The following IDO2 variants were observed in gnomAD, a reference collection of about 807,000 sequenced individuals.
IDO2 encodes indoleamine 2,3-dioxygenase 2.
In IDO2, 46 loss-of-function variants were observed where a neutral mutation model predicts 45.1. The observed-to-expected ratio is 1.02, with a 90% CI of 0.80 to 1.30. The LOEUF (loss-of-function observed/expected upper bound fraction) is 1.30, where lower values mean the gene tolerates loss of function less well. Ranked by LOEUF, IDO2 falls within the 50% of genes most tolerant of loss-of-function variation. IDO2 has a pLI of 0.00. For missense variants in IDO2, 544 were observed against 491.8 expected (o/e 1.11, Z -1.00); for synonymous variants, 218 against 184.9 (o/e 1.18, Z -1.45).
exon 5 of IDO2, chr8:39,982,691 T>A (rs1808371922): frequency 1.2e-6 from 2 of 1,611,968 alleles, no homozygotes; most frequent in East Asian, 4.5e-5. Flanking sequence ...TGTCGAAGTC[T>A]CCAGGAACTT....
At chr8:39,982,692 C>T in exon 5 of IDO2, 1 of 1,611,838 alleles carries the variant, frequency 6.2e-7, no homozygotes, top group Non-Finnish European at 8.5e-7. Flanking sequence ...GTCGAAGTCT[C>T]CAGGAACTTG....
intron 3 of IDO2, 39 bp downstream of exon 3, chr8:39,963,742 A>T (rs377367478): frequency 1.2e-4 from 141 of 1,189,828 alleles, no homozygotes; most frequent in Non-Finnish European, 1.6e-4. Context: ...TTCTGTTTTC[A>T]TCATCATACC....
chr8:40,016,184 G>A (rs1367582915), exon 11 of IDO2: 12 of 397,396 alleles, frequency 3.0e-5, no homozygotes, highest in African/African-American at 4.1e-5. Flanking sequence ...TTAATGATAT[G>A]GGAACGGATG....
chr8:39,998,319 A>G (rs1421276041), intron 8 of IDO2: 1 of 152,244 alleles, frequency 6.6e-6, no homozygotes, highest in Non-Finnish European at 1.5e-5. Context: ...GTTCTCTGCA[A>G]CTTTCTTTTG....
intron 8 of IDO2, 94 bp downstream of exon 8, chr8:39,989,932 G>T: frequency 1.4e-6 from 1 of 708,086 alleles, no homozygotes; most frequent in Non-Finnish European, 2.3e-6. Context: ...TCCTGAAGGG[G>T]GTGATAATAC....
At chr8:40,004,140 A>C (rs1024246522) in intron 8 of IDO2, among the ~76,000 whole-genome samples, 3 of 152,192 alleles carry the variant, frequency 2.0e-5, no homozygotes, top group South Asian at 4.1e-4. Flanking sequence ...CAAATAAAAA[A>C]GATGTAGAAG....
intron 8 of IDO2, among the ~76,000 whole-genome samples, chr8:40,004,525 T>TGATAGATAGATGATA (rs1802186765): frequency 6.9e-6 from 1 of 144,398 alleles, no homozygotes; most frequent in African/African-American, 2.6e-5. Context: ...GACAGACAGA[T>TGATAGATAGATGATA]GATAGATAGA....
intron 9 of IDO2, among the ~76,000 whole-genome samples, chr8:40,013,266 A>AGTAT: frequency 6.6e-6 from 1 of 152,276 alleles, no homozygotes; most frequent in East Asian, 1.9e-4. Context: ...TTTATAACTG[A>AGTAT]GTATGTGCAA....
chr8:39,994,629 G>T (rs1326327824), intron 8 of IDO2, among the ~76,000 whole-genome samples: 1 of 151,044 alleles, frequency 6.6e-6, no homozygotes, highest in African/African-American at 2.4e-5. Context: ...TGCCCCAGTG[G>T]GTCCTTCTGG....
intron 3 of IDO2, among the ~76,000 whole-genome samples, chr8:39,971,652 G>A (rs921125444): frequency 2.6e-5 from 4 of 152,162 alleles, no homozygotes; most frequent in African/African-American, 7.2e-5. Flanking sequence ...ACATTAATAG[G>A]AGTTTGCAAG....
At chr8:39,951,381 C>T (rs1364187041) in intron 2 of IDO2, among the ~76,000 whole-genome samples, 1 of 151,190 alleles carries the variant, frequency 6.6e-6, no homozygotes, top group South Asian at 2.1e-4. Flanking sequence ...TCTGACACTG[C>T]CACTAGGTTG....
chr8:39,972,403 T>C (rs546247884), intron 3 of IDO2, among the ~76,000 whole-genome samples: 48 of 151,958 alleles, frequency 3.2e-4, no homozygotes, highest in African/African-American at 1.1e-3. Context: ...GAGGTTGAGT[T>C]TGAGACCAGC....
At chr8:39,971,099 G>A (rs1808173138) in intron 3 of IDO2, among the ~76,000 whole-genome samples, 1 of 152,164 alleles carries the variant, frequency 6.6e-6, no homozygotes, top group Non-Finnish European at 1.5e-5. Flanking sequence ...TCAATGCCTA[G>A]CTTGAAAGGA....
At chr8:39,973,040 G>C (rs1406693453) in intron 3 of IDO2, among the ~76,000 whole-genome samples, 1 of 152,128 alleles carries the variant, frequency 6.6e-6, no homozygotes, top group African/African-American at 2.4e-5. Flanking sequence ...TGGTGGTCTG[G>C]AATTGAGCCC....
At chr8:39,953,548 TA>T (rs1254277228) in intron 2 of IDO2, among the ~76,000 whole-genome samples, 1 of 152,214 alleles carries the variant, frequency 6.6e-6, no homozygotes, top group African/African-American at 2.4e-5. Flanking sequence ...ACTTCATATT[TA>T]TTTTTACTGA....
intron 5 of IDO2, 112 bp from the exon 6 acceptor site, chr8:39,985,370 CTGCAGTGCCTTGCACACAAGTGTGCA>C (rs1374531910): frequency 1.4e-6 from 1 of 702,530 alleles, no homozygotes; most frequent in African/African-American, 1.8e-5. Flanking sequence ...GTGTGTGTGC[CTGCAGTGCCTTGCACACAAGTGTGCA>C]TGCCTGTGGA....
intron 8 of IDO2, among the ~76,000 whole-genome samples, chr8:40,004,574 A>ATAGATAGATAGATGATAGT (rs1802191948): frequency 1.3e-5 from 2 of 151,216 alleles, no homozygotes; most frequent in Admixed American, 1.3e-4. Flanking sequence ...TAGACGATAG[A>ATAGATAGATAGATGATAGT]TAGATAGATA....
intron 8 of IDO2, among the ~76,000 whole-genome samples, chr8:39,992,528 T>A (rs995824444): frequency 1.3e-5 from 2 of 152,110 alleles, no homozygotes; most frequent in Non-Finnish European, 2.9e-5. Flanking sequence ...ATATAGTGGT[T>A]TTTTCACACC....
intron 9 of IDO2, among the ~76,000 whole-genome samples, chr8:40,007,207 A>C (rs189107263): frequency 4.9e-4 from 75 of 152,034 alleles, no homozygotes; most frequent in Admixed American, 1.7e-3. Flanking sequence ...TATCAATAGA[A>C]ATAATCTGAA....
Sources: gnomAD v4.1 joint callset for allele counts (sites outside exome capture counted in the v4.1 genomes callset) on GRCh38, gnomAD v4.1.1 for gene constraint, MANE v1.5 for transcripts, NCBI Gene and HGNC (gene_info 2026-07-23, HGNC 2026-07-21) for gene names.